Variants in CADM2 observed in about 807,000 individuals in gnomAD.
The protein encoded by CADM2 is cell adhesion molecule 2, also known as immunoglobulin superfamily member 4D.
In CADM2, 12 loss-of-function variants were observed where a neutral mutation model predicts 49.8. The observed-to-expected ratio is 0.24, with a 90% CI of 0.15 to 0.39. The LOEUF (loss-of-function observed/expected upper bound fraction) is 0.39. CADM2 is among the 10% of genes least tolerant of loss of function. CADM2 has a pLI of 1.00. For synonymous variants in CADM2, 214 were observed against 175.4 expected (o/e 1.22, Z -1.74); for missense variants, 378 against 492.3 (o/e 0.77, Z 2.20).
At chr3:85,220,003 T>C (rs1229439603) in intron 1 of CADM2, among the ~76,000 whole-genome samples, 3 of 152,142 alleles carry the variant, frequency 2.0e-5, no homozygotes, top group African/African-American at 4.8e-5. Flanking sequence ...ATAATGGAGA[T>C]AGATAAAATT....
intron 1 of CADM2, among the ~76,000 whole-genome samples, chr3:85,631,410 A>C (rs1012026128): frequency 1.3e-5 from 2 of 152,104 alleles, no homozygotes; most frequent in Non-Finnish European, 2.9e-5. Flanking sequence ...TATTCCATGG[A>C]TTATAGCATG....
intron 1 of CADM2, among the ~76,000 whole-genome samples, chr3:85,059,142 G>C (rs1400371534): frequency 6.6e-6 from 1 of 151,910 alleles, no homozygotes; most frequent in Non-Finnish European, 1.5e-5. Context: ...GGGAGGCTGA[G>C]ACAGGAGAAT....
chr3:86,013,863 G>C, intron 8 of CADM2: 1 of 1,594,326 alleles, frequency 6.3e-7, no homozygotes, highest in Non-Finnish European at 8.6e-7. Flanking sequence ...CAAAATGAAA[G>C]TTGTTGCTTC....
chr3:84,964,927 G>A (rs1159797507), intron 1 of CADM2, among the ~76,000 whole-genome samples: 1 of 152,068 alleles, frequency 6.6e-6, no homozygotes, highest in Non-Finnish European at 1.5e-5. Context: ...AGCTATATTG[G>A]TTTATGAAAG....
At position 85,021,603 on chromosome 3, in the gene CADM2, C is replaced by T. The variant is rs552180301; in HGVS notation, c.61+61935C>T. 2.0e-4 allele frequency among the ~76,000 whole-genome samples: 30 copies of T among 152,008 alleles called. No homozygotes were observed. The South Asian group carries it at 3.7e-3, about 19-fold the overall frequency. The stretch of plus-strand genomic sequence containing the variant: ...CAGCCTGGCCAACATGGTGAAAGCC[C>T]GTCTCTACTAAAAATACAAAAATTA... On this transcript the variant is annotated intron_variant, in intron 1 of 9. Transcript: ENST00000383699.
Position 85,274,126 on chromosome 3 carries a change from T to C in CADM2, c.61+314458T>C, listed in dbSNP as rs1055061964. Among the ~76,000 whole-genome samples, 10 of 151,382 alleles carry C rather than the reference T, an allele frequency of 6.6e-5. No homozygotes were observed. The East Asian group carries it at 1.4e-3, about 21-fold the overall frequency. ...AGCAGTGTGAAGGCCACAGGTGAGT[T>C]TGATGAGAAATTTCAGTGATGCTGT... On this transcript the variant is annotated intron_variant, in intron 1 of 9. Transcript: ENST00000383699.
chr3:85,734,099 T>C (rs2068038764), intron 2 of CADM2, among the ~76,000 whole-genome samples: 1 of 152,158 alleles, frequency 6.6e-6, no homozygotes, highest in Non-Finnish European at 1.5e-5. Flanking sequence ...TCAAATTTGA[T>C]GGAATTATGG....
chr3:85,490,973 C>T (rs952516896), intron 1 of CADM2, among the ~76,000 whole-genome samples: 3 of 152,044 alleles, frequency 2.0e-5, no homozygotes, highest in African/African-American at 7.2e-5. Context: ...TAAAGGGCAT[C>T]TTTAGATATT....
intron 1 of CADM2, among the ~76,000 whole-genome samples, chr3:85,046,355 A>G (rs2035654956): frequency 6.7e-6 from 1 of 149,178 alleles, no homozygotes; most frequent in South Asian, 2.1e-4. Flanking sequence ...AGATCCATGA[A>G]TTCATTGTGA....
Position 85,133,436 on chromosome 3 carries a change from G to A in CADM2, c.61+173768G>A, listed in dbSNP as rs557837195. Among the ~76,000 whole-genome samples the A allele has an allele frequency of 4.6e-5, 7 of 152,148 alleles. No homozygotes were observed. In the East Asian group the frequency reaches 9.7e-4, roughly 21 times the overall value. On this transcript the variant is annotated intron_variant, in intron 1 of 9. Coordinates refer to ENST00000383699, the MANE Select transcript of CADM2 (RefSeq NM_001167675.2). Reference sequence around the variant, plus strand: ...ACTAGTTACAGAGTGTGGACACAAAGGTTCTCCAAGGCCCCACCAGAGTAG... The same window carrying A: ...ACTAGTTACAGAGTGTGGACACAAAAGTTCTCCAAGGCCCCACCAGAGTAG...
chr3:85,303,147 T>C (rs1576316120), intron 1 of CADM2, among the ~76,000 whole-genome samples: 1 of 152,126 alleles, frequency 6.6e-6, no homozygotes, highest in African/African-American at 2.4e-5. Flanking sequence ...ATTAATTGTG[T>C]GCTGCCGAAA....
chr3:85,182,413 A>C (rs1226648972), intron 1 of CADM2, among the ~76,000 whole-genome samples: 1 of 152,084 alleles, frequency 6.6e-6, no homozygotes, highest in Admixed American at 6.6e-5. Context: ...TGCTATGATA[A>C]AAAAGGAATT....
intron 3 of CADM2, among the ~76,000 whole-genome samples, chr3:85,880,085 T>G (rs983040997): frequency 6.6e-6 from 1 of 152,206 alleles, no homozygotes; most frequent in Admixed American, 6.5e-5. Flanking sequence ...CAAAACATCA[T>G]ATAAATGGAT....
At chr3:85,537,321 T>C (rs2061443298) in intron 1 of CADM2, among the ~76,000 whole-genome samples, 1 of 152,098 alleles carries the variant, frequency 6.6e-6, no homozygotes, top group Non-Finnish European at 1.5e-5. Context: ...TGGCATATAT[T>C]AGCATTGTTA....
At position 85,524,297 on chromosome 3, in the gene CADM2, G is replaced by T. The variant is rs574588350; in HGVS notation, c.62-202225G>T. Among the ~76,000 whole-genome samples the T allele has an allele frequency of 2.6e-5, 4 of 151,848 alleles. No individual in the cohort carries two copies. In the South Asian group the frequency reaches 8.3e-4, roughly 32 times the overall value. Reference sequence around the variant, plus strand: ...TCTTCTTTTTCTAGTTTCTTAATATGAATGATGTCATTGATTTGAGACCTT... The same window carrying T: ...TCTTCTTTTTCTAGTTTCTTAATATTAATGATGTCATTGATTTGAGACCTT... On this transcript the variant is annotated intron_variant, in intron 1 of 9. Coordinates refer to ENST00000383699, the MANE Select transcript of CADM2 (RefSeq NM_001167675.2).
At chr3:85,806,068 C>T (rs1343299049) in intron 3 of CADM2, among the ~76,000 whole-genome samples, 1 of 150,764 alleles carries the variant, frequency 6.6e-6, no homozygotes, top group East Asian at 2.0e-4. Flanking sequence ...GATTGAGACA[C>T]TTGGGTTTAG....
chr3:85,730,849 A>G (rs185482239), intron 2 of CADM2, among the ~76,000 whole-genome samples: 74 of 152,278 alleles, frequency 4.9e-4, no homozygotes, highest in Non-Finnish European at 8.5e-4. Flanking sequence ...CTATAGTTCT[A>G]TGCTATTTCT....
chr3:85,262,819 A>C (rs907913431), intron 1 of CADM2, among the ~76,000 whole-genome samples: 1 of 152,162 alleles, frequency 6.6e-6, no homozygotes, highest in African/African-American at 2.4e-5. Context: ...TAAGATCTAC[A>C]CAGACACTTT....
chr3:85,390,795 A>G lies in CADM2; in HGVS notation c.62-335727A>G, dbSNP rs567110547. On this transcript the variant is annotated intron_variant, in intron 1 of 9. Transcript: ENST00000383699. Reference sequence around the variant, plus strand: ...GCTTCAAAATAATTTTTAAAAAGTCAGCCTCCTCAGCTCTGTGAATTCCTG... The same window carrying G: ...GCTTCAAAATAATTTTTAAAAAGTCGGCCTCCTCAGCTCTGTGAATTCCTG... 3.1e-4 allele frequency among the ~76,000 whole-genome samples: 47 copies of G among 152,200 alleles called. 1 individual carries two copies. Among genetic ancestry groups the G allele is most frequent in the African/African-American group, 9.9e-4 (41 of 41,574 alleles).
Sources: gnomAD v4.1 joint callset for allele counts (sites outside exome capture counted in the v4.1 genomes callset) on GRCh38, gnomAD v4.1.1 for gene constraint, MANE v1.5 for transcripts, NCBI Gene and HGNC (gene_info 2026-07-23, HGNC 2026-07-21) for gene names.